GALNT13: variants seen among roughly 807,000 people sequenced by gnomAD.
GALNT13 encodes polypeptide N-acetylgalactosaminyltransferase 13.
Under a neutral mutation model 64.2 loss-of-function variants are expected in GALNT13, and 28 were observed. The observed-to-expected ratio is 0.44, with a 90% CI of 0.32 to 0.60. The LOEUF (loss-of-function observed/expected upper bound fraction) is 0.60. Among genes scored for constraint, GALNT13 ranks in the 20% least tolerant of loss-of-function variants. The pLI is 0.05. For synonymous variants in GALNT13, 214 were observed against 224.6 expected (o/e 0.95, Z 0.42); for missense variants, 577 against 669.8 (o/e 0.86, Z 1.53).
chr2:154,172,305 T>C (rs1340878722), intron 4 of GALNT13, among the ~76,000 whole-genome samples: 2 of 152,060 alleles, frequency 1.3e-5, no homozygotes, highest in Non-Finnish European at 2.9e-5. Context: ...AACATTCAAA[T>C]AGTTCTCTAC....
intron 3 of GALNT13, among the ~76,000 whole-genome samples, chr2:154,092,286 A>C (rs987582434): frequency 6.6e-6 from 1 of 152,082 alleles, no homozygotes; most frequent in African/African-American, 2.4e-5. Context: ...TGCTGTCTTT[A>C]GAGCTAATGT....
chr2:154,021,858 T>G (rs1282114288), intron 3 of GALNT13, among the ~76,000 whole-genome samples: 1 of 150,670 alleles, frequency 6.6e-6, no homozygotes, highest in East Asian at 1.9e-4. Context: ...TAGCTCTTAT[T>G]ATTTTGAGAT....
intron 8 of GALNT13, among the ~76,000 whole-genome samples, chr2:154,297,534 T>A (rs1203798914): frequency 1.3e-5 from 2 of 152,094 alleles, no homozygotes; most frequent in African/African-American, 4.8e-5. Context: ...AAAAAGATAG[T>A]CATCTACAAG....
chr2:153,658,193 C>A, the GALNT13 span, among the ~76,000 whole-genome samples: 1 of 152,120 alleles, frequency 6.6e-6, no homozygotes, highest in South Asian at 2.1e-4. Flanking sequence ...ATTCTACCTT[C>A]TGGCCAAGTT....
At chr2:153,662,388 G>C in the GALNT13 span, among the ~76,000 whole-genome samples, 1 of 152,130 alleles carries the variant, frequency 6.6e-6, no homozygotes, top group Admixed American at 6.6e-5. Flanking sequence ...CTTTCCAATA[G>C]ACTTGGTGCA....
At chr2:153,980,385 A>G (rs377522251) in intron 3 of GALNT13, among the ~76,000 whole-genome samples, 10 of 152,278 alleles carry the variant, frequency 6.6e-5, no homozygotes, top group East Asian at 3.9e-4. Context: ...CCGTTAGGAG[A>G]TATTAGAGTA....
chr2:153,654,579 C>A, the GALNT13 span, among the ~76,000 whole-genome samples: 4 of 152,020 alleles, frequency 2.6e-5, no homozygotes, highest in African/African-American at 4.8e-5. Flanking sequence ...ATCTCTCCAT[C>A]CACACAGTCC....
At chr2:154,221,759 G>A (rs1688336119) in intron 4 of GALNT13, among the ~76,000 whole-genome samples, 1 of 152,092 alleles carries the variant, frequency 6.6e-6, no homozygotes, top group African/African-American at 2.4e-5. Flanking sequence ...TTAGAGCACA[G>A]CAATTGACAT....
chr2:153,609,187 C>A, the GALNT13 span, among the ~76,000 whole-genome samples: 4 of 152,076 alleles, frequency 2.6e-5, no homozygotes, highest in South Asian at 2.1e-4. Context: ...CCTCAGCCCC[C>A]CAAAGTGCTG....
intron 11 of GALNT13, among the ~76,000 whole-genome samples, chr2:154,428,793 T>A (rs1700580634): frequency 6.6e-6 from 1 of 150,598 alleles, no homozygotes; most frequent in African/African-American, 2.5e-5. Context: ...TTTTTTTTTT[T>A]TTATTTGAGA....
chr2:153,961,346 C>G (rs1341178382), intron 3 of GALNT13, among the ~76,000 whole-genome samples: 1 of 152,140 alleles, frequency 6.6e-6, no homozygotes, highest in African/African-American at 2.4e-5. Context: ...TGCTATCTGT[C>G]CTTTGAAGGC....
At chr2:153,207,823 C>A in the GALNT13 span, among the ~76,000 whole-genome samples, 1 of 152,094 alleles carries the variant, frequency 6.6e-6, no homozygotes, top group South Asian at 2.1e-4. Context: ...CTCATTGAAG[C>A]ACTTGGCAGC....
rs200469803 is a variant in GALNT13 at position 154,163,037 on chromosome 2, T to C, written c.311+22532T>C. Among the ~76,000 whole-genome samples the C allele has an allele frequency of 5.9e-4, 90 of 151,936 alleles. 2 individuals are homozygous for C. In the East Asian group the frequency reaches 0.015, roughly 25 times the overall value. The stretch of plus-strand genomic sequence containing the variant: ...AGGGTACATGTGCACAATGTGCAGG[T>C]TAGTTACATACGTATACATGTGCCA... On this transcript the variant is annotated intron_variant, in intron 4 of 12. Transcript: ENST00000392825.
intron 11 of GALNT13, among the ~76,000 whole-genome samples, chr2:154,427,984 T>C (rs1004365277): frequency 1.3e-5 from 2 of 152,244 alleles, no homozygotes; most frequent in Admixed American, 1.3e-4. Flanking sequence ...TTTTTGTTGC[T>C]AAACAGTTAT....
At chr2:153,122,193 T>G in the GALNT13 span, among the ~76,000 whole-genome samples, 1 of 151,940 alleles carries the variant, frequency 6.6e-6, no homozygotes, top group African/African-American at 2.4e-5. Context: ...AGGTATAAAC[T>G]TTACCTATTG....
the GALNT13 span, among the ~76,000 whole-genome samples, chr2:153,333,787 A>G: frequency 6.6e-6 from 1 of 152,230 alleles, no homozygotes; most frequent in African/African-American, 2.4e-5. Flanking sequence ...CGCAAAAATT[A>G]TATTTATTAT....
At chr2:153,569,842 A>C in the GALNT13 span, among the ~76,000 whole-genome samples, 2 of 152,036 alleles carry the variant, frequency 1.3e-5, no homozygotes, top group African/African-American at 4.8e-5. Context: ...CCAATCCCAC[A>C]CTACCCTACC....
At chr2:153,792,803 G>C in the GALNT13 span, among the ~76,000 whole-genome samples, 27,133 of 151,880 alleles carry the variant, frequency 0.18, 3,533 homozygotes, top group African/African-American at 0.37. Flanking sequence ...ATATTCTTAA[G>C]GCATTTGATT....
intron 1 of GALNT13, among the ~76,000 whole-genome samples, chr2:153,900,505 T>C (rs901230195): frequency 1.1e-4 from 17 of 152,198 alleles, no homozygotes; most frequent in African/African-American, 3.9e-4. Flanking sequence ...CCAAATTCTT[T>C]TCTAACTCAG....
Sources: allele counts gnomAD v4.1 joint callset (sites outside exome capture counted in the v4.1 genomes callset), GRCh38; gene constraint gnomAD v4.1.1; transcripts MANE v1.5; gene names NCBI Gene and HGNC (gene_info 2026-07-23, HGNC 2026-07-21).